Variants in CRIM1 observed in about 807,000 individuals in gnomAD.
CRIM1 encodes the protein cysteine-rich motor neuron 1 protein.
CRIM1 carries 32 observed loss-of-function variants against 116.4 expected under a neutral mutation model. The ratio of observed to expected loss-of-function variants is 0.27; its 90% CI spans 0.21 to 0.37. CRIM1 has a LOEUF of 0.37. CRIM1 is among the 10% of genes least tolerant of loss of function. The pLI is 1.00. For synonymous variants in CRIM1, 590 were observed against 509.2 expected (o/e 1.16, Z -2.13); for missense variants, 1,331 against 1,354.8 (o/e 0.98, Z 0.28).
intron 8 of CRIM1, among the ~76,000 whole-genome samples, chr2:36,500,103 G>T (rs571099712): frequency 2.0e-5 from 3 of 152,166 alleles, no homozygotes. Flanking sequence ...AAGGCAGGCA[G>T]ATCACTGGAG....
chr2:36,381,308 C>T (rs1328705361), intron 1 of CRIM1, among the ~76,000 whole-genome samples: 1 of 152,188 alleles, frequency 6.6e-6, no homozygotes, highest in Admixed American at 6.5e-5. Context: ...CCCAGCGCGG[C>T]CCCACAGGCA....
chr2:36,373,303 C>T (rs1351566616), intron 1 of CRIM1, among the ~76,000 whole-genome samples: 2 of 152,208 alleles, frequency 1.3e-5, no homozygotes, highest in African/African-American at 4.8e-5. Flanking sequence ...GAGTGCCCAT[C>T]AGCCTGTAAG....
intron 13 of CRIM1, among the ~76,000 whole-genome samples, chr2:36,522,815 AG>A (rs756536289): frequency 0.032 from 4,616 of 143,144 alleles, 94 homozygotes; most frequent in African/African-American, 0.062. Context: ...AAAAAAAAAA[AG>A]AAGAAGAAGA....
intron 5 of CRIM1, among the ~76,000 whole-genome samples, chr2:36,468,832 A>C (rs1015964405): frequency 9.2e-5 from 14 of 152,122 alleles, no homozygotes; most frequent in African/African-American, 3.1e-4. Context: ...AGAGTGTGCA[A>C]GTGATTATTT....
At chr2:36,477,239 A>G (rs190667543) in intron 6 of CRIM1, among the ~76,000 whole-genome samples, 168 bp downstream of exon 6, 5 of 152,318 alleles carry the variant, frequency 3.3e-5, no homozygotes, top group African/African-American at 1.2e-4. Flanking sequence ...AAAGCCAGGT[A>G]GAGTGTGTGG....
intron 13 of CRIM1, among the ~76,000 whole-genome samples, chr2:36,530,538 T>G (rs1428730313): frequency 1.3e-5 from 2 of 152,178 alleles, no homozygotes; most frequent in African/African-American, 4.8e-5. Context: ...TGTTAGAAAG[T>G]GAAATGAAAG....
At chr2:36,430,638 A>G (rs1437439244) in intron 2 of CRIM1, among the ~76,000 whole-genome samples, 1 of 152,146 alleles carries the variant, frequency 6.6e-6, no homozygotes, top group Non-Finnish European at 1.5e-5. Flanking sequence ...TGCAAGTCTG[A>G]TTAGGAAGTT....
At position 36,513,751 on chromosome 2, in the gene CRIM1, G is replaced by T; in HGVS notation, c.1976G>T (p.Cys659Phe). 6.2e-7 allele frequency: 1 copy of T among 1,614,006 alleles called. No individual in the cohort carries two copies. Among genetic ancestry groups the T allele is most frequent in the Non-Finnish European group, 8.5e-7 (1 of 1,179,960 alleles). The change falls in exon 11 of 17, where the codon TGC becomes TTC. Residue 659 changes from cysteine to phenylalanine, a missense_variant. By Grantham distance (205) the Cys-to-Phe change is radical. Coordinates refer to ENST00000280527, the MANE Select transcript of CRIM1 (RefSeq NM_016441.3). ...GNPTIHPGQC[C>F]PSCADDFVVQ... is the part of the protein sequence containing the mutation. ...CCCACCATTCACCCTGGACAGTGCT[G>T]CCCATCATGTGCAGGTAAAAGCTGG...
intron 1 of CRIM1, among the ~76,000 whole-genome samples, chr2:36,383,963 G>C (rs1407125658): frequency 6.6e-6 from 1 of 152,180 alleles, no homozygotes; most frequent in African/African-American, 2.4e-5. Context: ...CAGTGAACGA[G>C]ACAAAAATTC....
rs752988482 is a variant in CRIM1 at position 36,517,461 on chromosome 2, C to A, written c.2125C>A (p.Leu709Met). 1.2e-6 allele frequency: 2 copies of A among 1,614,252 alleles called. No homozygotes were observed. Among genetic ancestry groups the A allele is most frequent in the Non-Finnish European group, 1.7e-6 (2 of 1,180,040 alleles). Residue 709 changes from leucine to methionine, a missense_variant, in exon 12 of 17, where the codon CTG (leucine) becomes ATG (methionine). This residue lies in a region of CRIM1 where 358 missense variants were observed against 436.1 expected (regional missense o/e 0.82). Transcript: ENST00000280527. ...TQCTCHSGRVLCETEVCPPLL... is the reference protein window; with the variant it reads ...TQCTCHSGRVMCETEVCPPLL... ...GTGCACCTGCCACAGCGGACGGGTG[C>A]TGTGTGAGACAGAGGTGTGCCCACC...
At chr2:36,461,059 T>G (rs755902019) in intron 4 of CRIM1, among the ~76,000 whole-genome samples, 3 of 152,190 alleles carry the variant, frequency 2.0e-5, no homozygotes, top group Non-Finnish European at 4.4e-5. Context: ...TTATATGGAC[T>G]TCAGAGTGTT....
chr2:36,461,879 C>T (rs1052623969), intron 4 of CRIM1, among the ~76,000 whole-genome samples: 1 of 152,114 alleles, frequency 6.6e-6, no homozygotes, highest in South Asian at 2.1e-4. Context: ...AGATAGCTAC[C>T]CAATAGATAT....
In CRIM1 at chr2:36,370,485, A is replaced by G. The variant is rs180937188; in HGVS notation, c.331+13862A>G. The stretch of plus-strand genomic sequence containing the variant: ...GTTGCTTTGGAAAGAGAAAGGAAAA[A>G]GAAAAGACTTTCTGCCAACTGAGGG... On this transcript the variant is annotated intron_variant, in intron 1 of 16. Transcript: ENST00000280527. 2.9e-3 allele frequency among the ~76,000 whole-genome samples: 448 copies of G among 152,350 alleles called. 2 individuals are homozygous for G. The highest frequency in any genetic ancestry group is 0.01 in the African/African-American group (435 of 41,580).
chr2:36,435,106 C>G (rs1675198457), intron 2 of CRIM1, among the ~76,000 whole-genome samples: 1 of 152,104 alleles, frequency 6.6e-6, no homozygotes, highest in South Asian at 2.1e-4. Context: ...ACCAAGGGCC[C>G]CCGTGATACT....
chr2:36,479,629 C>G lies in CRIM1; in HGVS notation c.1307C>G (p.Thr436Ser), dbSNP rs576743714. 1 of 1,614,246 alleles carries G rather than the reference C, an allele frequency of 6.2e-7. No individual in the cohort carries two copies. The highest frequency in any genetic ancestry group is 1.3e-5 in the African/African-American group (1 of 75,064). ...CVNGERHCVA[T>S]VCGQTCTNPV... ...AACGGTGAACGCCACTGCGTTGCGACCGTCTGCGGACAGACCTGCACAAAC... is the reference window on the plus strand; with the variant it reads ...AACGGTGAACGCCACTGCGTTGCGAGCGTCTGCGGACAGACCTGCACAAAC... The change falls in exon 7 of 17, where the codon ACC (threonine) becomes AGC (serine). Residue 436 changes from threonine to serine, a missense_variant. Coordinates refer to ENST00000280527, the MANE Select transcript of CRIM1 (RefSeq NM_016441.3).
At chr2:36,512,954 C>T (rs1047332361) in intron 10 of CRIM1, among the ~76,000 whole-genome samples, 15 of 152,160 alleles carry the variant, frequency 9.9e-5, no homozygotes, top group African/African-American at 2.4e-5. Context: ...CCCTGACCGC[C>T]GTTTCTGCCT....
At chr2:36,361,757 A>C (rs1038269296) in intron 1 of CRIM1, among the ~76,000 whole-genome samples, 7 of 152,154 alleles carry the variant, frequency 4.6e-5, no homozygotes, top group African/African-American at 1.4e-4. Flanking sequence ...AGGAGGTGGT[A>C]AAATGAGTGG....
intron 2 of CRIM1, among the ~76,000 whole-genome samples, chr2:36,403,955 T>C (rs533339889): frequency 6.6e-6 from 1 of 152,284 alleles, no homozygotes; most frequent in South Asian, 2.1e-4. Flanking sequence ...TGGTGTCTAA[T>C]GACTTTTTGA....
At chr2:36,411,377 T>G (rs1048670034) in intron 2 of CRIM1, among the ~76,000 whole-genome samples, 1 of 152,196 alleles carries the variant, frequency 6.6e-6, no homozygotes, top group African/African-American at 2.4e-5. Flanking sequence ...TTTTGATATA[T>G]CAAGAACTAA....
Sources: gnomAD v4.1 joint callset for allele counts (sites outside exome capture counted in the v4.1 genomes callset) on GRCh38, gnomAD v4.1.1 for gene constraint, gnomAD v4.1.1 regional missense constraint, MANE v1.5 for transcripts, NCBI Gene and HGNC (gene_info 2026-07-23, HGNC 2026-07-21) for gene names.